RFX4: variants seen among roughly 807,000 people sequenced by gnomAD.
RFX4 encodes the protein regulatory factor X4, also known as transcription factor RFX4.
In RFX4, 10 loss-of-function variants were observed where a neutral mutation model predicts 95.0. The observed-to-expected ratio is 0.11, with a 90% CI of 0.06 to 0.18. RFX4 has a LOEUF of 0.18. Among genes scored for constraint, RFX4 ranks in the 10% least tolerant of loss-of-function variants. RFX4 has a pLI of 1.00. For synonymous variants in RFX4, 321 were observed against 340.7 expected, an observed-to-expected ratio of 0.94 and a Z score of 0.64; for missense variants, 640 against 922.0, an observed-to-expected ratio of 0.69 and a Z score of 3.96.
At chr12:106,638,584 A>G (rs1249999189) in intron 2 of RFX4, among the ~76,000 whole-genome samples, 2 of 152,224 alleles carry the variant, frequency 1.3e-5, no homozygotes, top group Non-Finnish European at 2.9e-5. Context: ...TCATAACAAA[A>G]TACCATAAAC....
chr12:106,600,287 T>G (rs1339484394), intron 1 of RFX4, among the ~76,000 whole-genome samples: 8 of 152,310 alleles, frequency 5.3e-5, no homozygotes, highest in African/African-American at 1.9e-4. Context: ...ACACGCTTCC[T>G]CCCTCTCTAC....
At chr12:106,588,219 A>G (rs1291673552) in intron 1 of RFX4, among the ~76,000 whole-genome samples, 1 of 152,238 alleles carries the variant, frequency 6.6e-6, no homozygotes. Flanking sequence ...GTCAATAACC[A>G]TGAACAACTC....
At chr12:106,652,442 C>T (rs7954897) in intron 3 of RFX4, among the ~76,000 whole-genome samples, 47,845 of 152,068 alleles carry the variant, frequency 0.31, 8,327 homozygotes, top group African/African-American at 0.47. Flanking sequence ...AAGACACTTA[C>T]TGAGCCCCTA....
In RFX4 at chr12:106,604,115, C is replaced by CTTT. The variant is rs1163891542; in HGVS notation, c.44-4662_44-4660dup. The stretch of plus-strand genomic sequence containing the variant: ...GTTTATATCACTACAGCTTCTCTCT[C>CTTT]TTTTTTTTTTTTTTTTTTTTTTGAG... On this transcript the variant is annotated intron_variant, in intron 1 of 17. Coordinates refer to ENST00000392842, the MANE Select transcript of RFX4 (RefSeq NM_213594.3). Among the ~76,000 whole-genome samples the CTTT allele has an allele frequency of 1.8e-3, 201 of 112,770 alleles. 4 individuals are homozygous for CTTT. Among genetic ancestry groups the CTTT allele is most frequent in the Non-Finnish European group, 2.1e-3 (118 of 56,770 alleles). 74.0% of individuals were successfully genotyped at this position (112,770 alleles called of 152,430 possible).
intron 8 of RFX4, 117 bp downstream of exon 8, chr12:106,696,563 A>C: frequency 1.0e-6 from 1 of 984,252 alleles, no homozygotes; most frequent in Non-Finnish European, 1.4e-6. Context: ...AAAGACCATT[A>C]ATATTGAACT....
chr12:106,619,917 G>GACCAA (rs2040147167), intron 2 of RFX4, among the ~76,000 whole-genome samples: 1 of 151,914 alleles, frequency 6.6e-6, no homozygotes, highest in Non-Finnish European at 1.5e-5. Context: ...GTGGTAGGTG[G>GACCAA]TCCAATTGAT....
intron 4 of RFX4, among the ~76,000 whole-genome samples, chr12:106,677,734 G>A (rs1388653178): frequency 2.6e-5 from 4 of 152,064 alleles, no homozygotes; most frequent in Admixed American, 6.5e-5. Context: ...AAATTCCACT[G>A]GTGAGGCAAC....
intron 13 of RFX4, among the ~76,000 whole-genome samples, chr12:106,722,748 C>T (rs1012960287): frequency 1.3e-5 from 2 of 152,222 alleles, no homozygotes; most frequent in Non-Finnish European, 2.9e-5. Context: ...AATGGCCCAG[C>T]TCATCTGACT....
At chr12:106,726,621 T>C (rs2042503844) in intron 13 of RFX4, among the ~76,000 whole-genome samples, 1 of 152,252 alleles carries the variant, frequency 6.6e-6, no homozygotes, top group Non-Finnish European at 1.5e-5. Flanking sequence ...ACCTAGAACT[T>C]ATTTTTAACT....
At chr12:106,603,968 G>T (rs114997125) in intron 1 of RFX4, among the ~76,000 whole-genome samples, 1 of 152,090 alleles carries the variant, frequency 6.6e-6, no homozygotes, top group Non-Finnish European at 1.5e-5. Context: ...CAGCCACAGC[G>T]CCAGCCACTG....
intron 2 of RFX4, among the ~76,000 whole-genome samples, chr12:106,636,102 C>T (rs1482534833): frequency 6.6e-6 from 1 of 152,192 alleles, no homozygotes; most frequent in Non-Finnish European, 1.5e-5. Flanking sequence ...CCTGCCTTCT[C>T]ACTGAGTTTA....
chr12:106,732,656 C>T (rs896804468), intron 14 of RFX4, among the ~76,000 whole-genome samples: 7 of 151,944 alleles, frequency 4.6e-5, no homozygotes, highest in Admixed American at 6.6e-5. Context: ...GCCGAGTGTG[C>T]GCCACTGCAC....
chr12:106,650,060 C>A (rs960520743), intron 3 of RFX4, among the ~76,000 whole-genome samples: 2 of 152,186 alleles, frequency 1.3e-5, no homozygotes, highest in African/African-American at 4.8e-5. Flanking sequence ...AGGCTTTGAT[C>A]GTCCTCCTGG....
rs2039399686 is a variant in RFX4, at chr12:106,583,232, C to T, written c.-89C>T. On this transcript the variant is annotated 5_prime_UTR_variant, in exon 1 of 18. Coordinates refer to ENST00000392842, the MANE Select transcript of RFX4 (RefSeq NM_213594.3). Reference sequence around the variant, plus strand: ...TCTCTCTCTCCCCTTCTCCCTCCCTCCCTCCCTTCCTCCCTGGGCATCTCT... The same window carrying T: ...TCTCTCTCTCCCCTTCTCCCTCCCTTCCTCCCTTCCTCCCTGGGCATCTCT... 3 of 622,366 alleles carry T rather than the reference C, an allele frequency of 4.8e-6. No homozygotes were observed. Among genetic ancestry groups the T allele is most frequent in the African/African-American group, 2.0e-5 (1 of 49,386 alleles). The allele number at this position is 622,366 out of a possible 1,614,324, so 38.6% of individuals were successfully genotyped here. A position where few individuals can be genotyped will look rare whatever the true frequency, so the allele number is the denominator to read the frequency against.
intron 7 of RFX4, among the ~76,000 whole-genome samples, chr12:106,690,960 C>G (rs2041768146): frequency 6.6e-6 from 1 of 152,132 alleles, no homozygotes; most frequent in Admixed American, 6.5e-5. Context: ...TGCTTAATTC[C>G]AACACCTATT....
At chr12:106,583,425 A>G (rs2039402854) in intron 1 of RFX4, 62 bp downstream of exon 1, 3 of 1,463,840 alleles carry the variant, frequency 2.0e-6, no homozygotes, top group Non-Finnish European at 2.7e-6. Flanking sequence ...GAGAGGGGGA[A>G]CTTTAGAAAG....
intron 5 of RFX4, chr12:106,683,176 C>G (rs2041556566): frequency 6.6e-6 from 1 of 152,114 alleles, no homozygotes; most frequent in Non-Finnish European, 1.5e-5. Context: ...AAAAGCATGT[C>G]CAGTGCTCTC....
At chr12:106,748,782 C>A (rs757217974) in intron 16 of RFX4, among the ~76,000 whole-genome samples, 1 of 151,224 alleles carries the variant, frequency 6.6e-6, no homozygotes. Context: ...AACCCCATCT[C>A]CCTACTAAAA....
At chr12:106,614,497 G>GTT (rs1555225390) in intron 2 of RFX4, among the ~76,000 whole-genome samples, 2 of 149,386 alleles carry the variant, frequency 1.3e-5, no homozygotes, top group Non-Finnish European at 3.0e-5. Flanking sequence ...GTGTGTGTGT[G>GTT]TGTGTGTGTG....
Sources: gnomAD v4.1 joint callset for allele counts (sites outside exome capture counted in the v4.1 genomes callset) on GRCh38, gnomAD v4.1.1 for gene constraint, MANE v1.5 for transcripts, NCBI Gene and HGNC (gene_info 2026-07-23, HGNC 2026-07-21) for gene names.